Variants in APBB1IP observed in about 807,000 individuals in gnomAD.
The protein encoded by APBB1IP is amyloid beta precursor protein binding family B member 1 interacting protein.
In APBB1IP, 27 loss-of-function variants were observed where a neutral mutation model predicts 64.9. That is an observed-to-expected ratio of 0.42 (90% CI 0.31 to 0.57). The LOEUF (loss-of-function observed/expected upper bound fraction) is 0.57. APBB1IP is among the 20% of genes least tolerant of loss of function. The probability of loss-of-function intolerance (pLI) is 0.20; values close to 1 mark genes in which losing one functional copy is unlikely to be tolerated. For synonymous variants in APBB1IP, 392 were observed against 331.0 expected (o/e 1.18, Z -2.00); for missense variants, 812 against 845.5 (o/e 0.96, Z 0.49).
At chr10:26,478,087 G>A (rs1029798511) in intron 2 of APBB1IP, among the ~76,000 whole-genome samples, 3 of 152,178 alleles carry the variant, frequency 2.0e-5, no homozygotes, top group Admixed American at 6.5e-5. Context: ...GTTGATGAGC[G>A]GGAAGAGAGT....
rs181751695 is a variant in APBB1IP at position 26,513,738 on chromosome 10, T to C, written c.813+78T>C. On this transcript the variant is annotated intron_variant, in intron 8 of 14. Coordinates refer to ENST00000376236, the MANE Select transcript of APBB1IP (RefSeq NM_019043.4). ...TTTTTTGAGACGGAGTCTCAAAGGC[T>C]GGAGACAGGGTCTGAAAGGCTGGAG... is the stretch of plus-strand genomic sequence containing the variant. 3.9e-5 allele frequency: 58 copies of C among 1,487,098 alleles called. No individual in the cohort carries two copies. The African/African-American group carries it at 8.0e-4, about 21-fold the overall frequency. 92.1% of individuals were successfully genotyped at this position (1,487,098 alleles called of 1,614,324 possible).
chr10:26,501,207 T>A (rs812007), intron 5 of APBB1IP, 96 bp downstream of exon 5: 294,544 of 1,541,936 alleles, frequency 0.19, 28,908 homozygotes, highest in East Asian at 0.31. Context: ...AGTTGGTACA[T>A]CCAAAGATCT....
intron 2 of APBB1IP, among the ~76,000 whole-genome samples, chr10:26,474,437 A>C (rs1835753657): frequency 6.6e-6 from 1 of 152,234 alleles, no homozygotes; most frequent in Admixed American, 6.5e-5. Flanking sequence ...GAATTTTACT[A>C]ATCGCCCAGG....
At chr10:26,544,705 G>A (rs1420850980) in intron 11 of APBB1IP, among the ~76,000 whole-genome samples, 2 of 152,186 alleles carry the variant, frequency 1.3e-5, no homozygotes, top group African/African-American at 4.8e-5. Flanking sequence ...ACAGTGAACA[G>A]GGGAGGGACT....
chr10:26,448,468 C>CT (rs1835426202), intron 2 of APBB1IP, among the ~76,000 whole-genome samples: 1 of 152,168 alleles, frequency 6.6e-6, no homozygotes, highest in Non-Finnish European at 1.5e-5. Context: ...CCTCATGTGG[C>CT]TAGTGGCTGA....
At chr10:26,438,894 G>C (rs1835309055) in intron 2 of APBB1IP, 41 bp downstream of exon 2, 1 of 152,160 alleles carries the variant, frequency 6.6e-6, no homozygotes, top group Non-Finnish European at 1.5e-5. Flanking sequence ...GGGAGCGCCA[G>C]CACGGGCCCC....
intron 11 of APBB1IP, among the ~76,000 whole-genome samples, chr10:26,551,413 A>G (rs762812486): frequency 6.6e-6 from 1 of 152,176 alleles, no homozygotes; most frequent in African/African-American, 2.4e-5. Context: ...TTACCGTCCA[A>G]CTGCGGTTTC....
chr10:26,501,696 T>C (rs974320748), intron 5 of APBB1IP: 7 of 153,346 alleles, frequency 4.6e-5, no homozygotes, highest in Admixed American at 3.2e-4. Context: ...ATTTGGGATG[T>C]TAACTCATAG....
At chr10:26,539,700 A>G (rs1836673921) in intron 10 of APBB1IP, among the ~76,000 whole-genome samples, 1 of 152,160 alleles carries the variant, frequency 6.6e-6, no homozygotes, top group Non-Finnish European at 1.5e-5. Flanking sequence ...GAGAGAGTAC[A>G]TTTGCAACAT....
In APBB1IP at chr10:26,558,837, G is replaced by C. The variant is rs188767862; in HGVS notation, c.1156-1268G>C. Among the ~76,000 whole-genome samples the C allele has an allele frequency of 1.6e-4, 25 of 152,292 alleles. No individual in the cohort carries two copies. The East Asian group carries it at 4.8e-3, about 29-fold the overall frequency. On this transcript the variant is annotated intron_variant, in intron 11 of 14. Transcript: ENST00000376236. ...GCAATGAGGACTAGGAGGAATGCAA[G>C]GAGTTTCTCTTTCACACCTGCCCAT...
intron 11 of APBB1IP, among the ~76,000 whole-genome samples, chr10:26,544,097 T>C (rs1202908677): frequency 6.6e-6 from 1 of 152,144 alleles, no homozygotes; most frequent in African/African-American, 2.4e-5. Flanking sequence ...TCAGAGGCCG[T>C]TCTCTCAGAC....
intron 6 of APBB1IP, among the ~76,000 whole-genome samples, chr10:26,507,695 T>C (rs1306189014): frequency 6.6e-6 from 1 of 152,212 alleles, no homozygotes; most frequent in Non-Finnish European, 1.5e-5. Context: ...AAGAAAATGG[T>C]AAAAGTAAAC....
intron 11 of APBB1IP, among the ~76,000 whole-genome samples, chr10:26,559,610 A>ATTTC (rs1337499338): frequency 6.7e-6 from 1 of 149,536 alleles, no homozygotes; most frequent in South Asian, 2.1e-4. Flanking sequence ...CATAAAACAA[A>ATTTC]TTTCTTTCTT....
At chr10:26,504,171 C>T (rs1836140514) in intron 6 of APBB1IP, among the ~76,000 whole-genome samples, 1 of 152,212 alleles carries the variant, frequency 6.6e-6, no homozygotes, top group African/African-American at 2.4e-5. Flanking sequence ...CAGCCGTCAG[C>T]CCTGCTGCTG....
Position 26,496,318 on chromosome 10 carries a change from C to A in APBB1IP, c.87C>A (p.Asp29Glu). Reference sequence around the variant, plus strand: ...TTTTTTCACAGAGTTTAGGAGTTGACACTCTCCCTCCTCCTGACCCTAATC... The same window carrying A: ...TTTTTTCACAGAGTTTAGGAGTTGAAACTCTCCCTCCTCCTGACCCTAATC... ...MDLLTQSLGV[D>E]TLPPPDPNPP... Residue 29 changes from aspartate to glutamate, a missense_variant, in exon 4 of 15, where the codon GAC (aspartate) becomes GAA (glutamate). Physicochemically the swap from Asp to Glu is conservative, Grantham distance 45. Around this residue, in one of 3 missense-constraint regions of APBB1IP, gnomAD observed 394 missense variants for 413.1 expected, o/e 0.95. Transcript: ENST00000376236. The A allele has an allele frequency of 1.2e-6, 2 of 1,612,142 alleles. No homozygotes were observed. The highest frequency in any genetic ancestry group is 1.1e-5 in the South Asian group (1 of 91,000).
intron 2 of APBB1IP, among the ~76,000 whole-genome samples, chr10:26,478,144 G>C (rs1835796418): frequency 6.6e-6 from 1 of 152,184 alleles, no homozygotes; most frequent in African/African-American, 2.4e-5. Context: ...TTTTGAAATA[G>C]GTCAGGGCTC....
chr10:26,455,221 G>A (rs1379580905), intron 2 of APBB1IP, among the ~76,000 whole-genome samples: 2 of 152,160 alleles, frequency 1.3e-5, no homozygotes, highest in African/African-American at 4.8e-5. Context: ...AGTACTGTGA[G>A]TGTATCATTA....
At chr10:26,534,220 G>A (rs1836590842) in intron 9 of APBB1IP, among the ~76,000 whole-genome samples, 1 of 143,432 alleles carries the variant, frequency 7.0e-6, no homozygotes, top group Non-Finnish European at 1.5e-5. Context: ...CAGCTACTCA[G>A]GAAGCTGAGG....
chr10:26,550,219 T>C (rs938465862), intron 11 of APBB1IP, among the ~76,000 whole-genome samples: 1 of 152,250 alleles, frequency 6.6e-6, no homozygotes, highest in Admixed American at 6.5e-5. Flanking sequence ...GATTATGATA[T>C]ATATTGGAGT....
Sources: gnomAD v4.1 joint callset for allele counts (sites outside exome capture counted in the v4.1 genomes callset) on GRCh38, gnomAD v4.1.1 for gene constraint, gnomAD v4.1.1 regional missense constraint, MANE v1.5 for transcripts, NCBI Gene and HGNC (gene_info 2026-07-23, HGNC 2026-07-21) for gene names.